The following DACH2 variants were observed in gnomAD, a reference collection of about 807,000 sequenced individuals.
DACH2 encodes the protein dachshund homolog 2.
In DACH2, 17 loss-of-function variants were observed where a neutral mutation model predicts 35.8. That is an observed-to-expected ratio of 0.48 (90% confidence interval 0.33 to 0.71). The LOEUF (loss-of-function observed/expected upper bound fraction) is 0.71. DACH2 is among the 30% of genes least tolerant of loss of function. The probability of loss-of-function intolerance (pLI) is 0.02; values close to 1 mark genes in which losing one functional copy is unlikely to be tolerated. For missense variants in DACH2, 469 were observed against 472.7 expected (o/e 0.99, Z 0.07); for synonymous variants, 195 against 177.3 (o/e 1.10, Z -0.79).
chrX:86,603,560 C>T (rs2039818910), intron 3 of DACH2, among the ~76,000 whole-genome samples: 1 of 111,204 alleles, frequency 9.0e-6, no homozygotes, highest in African/African-American at 3.3e-5. Flanking sequence ...GGCAAAATTC[C>T]CATCTAGCTA....
At chrX:86,506,886 T>C (rs1476964754) in intron 2 of DACH2, among the ~76,000 whole-genome samples, 1 of 112,065 alleles carries the variant, frequency 8.9e-6, no homozygotes, top group Non-Finnish European at 1.9e-5. Flanking sequence ...GCTGGAAATC[T>C]TGTCATGGAG....
chrX:86,420,814 G>T (rs1200449179), intron 2 of DACH2, among the ~76,000 whole-genome samples: 1 of 111,340 alleles, frequency 9.0e-6, no homozygotes, highest in Non-Finnish European at 1.9e-5. Context: ...TTGAGCCTAT[G>T]AATTTTGTCT....
At chrX:86,402,322 A>T (rs1469134529) in intron 2 of DACH2, among the ~76,000 whole-genome samples, 1 of 112,037 alleles carries the variant, frequency 8.9e-6, no homozygotes, top group Non-Finnish European at 1.9e-5. Flanking sequence ...GAACTGATAA[A>T]CAACTTAAGT....
At chrX:86,556,789 TATATATAG>T (rs1479363383) in intron 3 of DACH2, among the ~76,000 whole-genome samples, 104 of 37,151 alleles carry the variant, frequency 2.8e-3, no homozygotes, top group African/African-American at 3.4e-3. Flanking sequence ...TATATATATA[TATATATAG>T]AGAGAGAGAG....
At chrX:86,784,170 T>A (rs2042115489) in intron 7 of DACH2, among the ~76,000 whole-genome samples, 1 of 108,374 alleles carries the variant, frequency 9.2e-6, no homozygotes. Flanking sequence ...AAGGAAACAA[T>A]CTACAAAGTA....
intron 2 of DACH2, among the ~76,000 whole-genome samples, chrX:86,435,900 T>G (rs1003099164): frequency 9.8e-5 from 11 of 111,710 alleles, no homozygotes; most frequent in African/African-American, 3.6e-4. Flanking sequence ...AACAAGGGAT[T>G]AGTGATCCAA....
chrX:86,183,721 T>A (rs979990570), intron 1 of DACH2, among the ~76,000 whole-genome samples: 1 of 111,939 alleles, frequency 8.9e-6, no homozygotes, highest in Non-Finnish European at 1.9e-5. Flanking sequence ...CCTCTTTTTC[T>A]ATTGTTTGGA....
intron 7 of DACH2, among the ~76,000 whole-genome samples, chrX:86,759,647 T>C (rs912089385): frequency 4.5e-5 from 5 of 110,774 alleles, no homozygotes; most frequent in Admixed American, 1.9e-4. Flanking sequence ...TTATTATTGA[T>C]GTGTGAAGGC....
At chrX:86,431,119 G>A (rs1056498148) in intron 2 of DACH2, among the ~76,000 whole-genome samples, 11 of 111,645 alleles carry the variant, frequency 9.9e-5, no homozygotes, top group African/African-American at 3.6e-4. Context: ...ATCATGTGTA[G>A]TGATTTTTTT....
chrX:86,437,538 AT>A (rs1190660227), intron 2 of DACH2, among the ~76,000 whole-genome samples: 2 of 111,351 alleles, frequency 1.8e-5, no homozygotes, highest in South Asian at 3.7e-4. Context: ...AAAATATGAG[AT>A]TTTTTTGTGT....
intron 5 of DACH2, among the ~76,000 whole-genome samples, chrX:86,704,083 C>G (rs2041179101): frequency 9.0e-6 from 1 of 111,669 alleles, no homozygotes. Context: ...TAACCAAAAC[C>G]AAAACAGCAT....
At chrX:86,295,637 A>G (rs918421160) in intron 1 of DACH2, among the ~76,000 whole-genome samples, 2 of 110,852 alleles carry the variant, frequency 1.8e-5, no homozygotes, top group African/African-American at 6.6e-5. Flanking sequence ...GCTGGTTTAA[A>G]TGCTCTCTCC....
chrX:86,418,036 T>C (rs1395288115), intron 2 of DACH2, among the ~76,000 whole-genome samples: 2 of 111,437 alleles, frequency 1.8e-5, no homozygotes, highest in Non-Finnish European at 3.8e-5. Flanking sequence ...GGCAGTCAAA[T>C]CTTAAAACTC....
intron 5 of DACH2, among the ~76,000 whole-genome samples, chrX:86,698,010 A>G (rs1168391847): frequency 1.8e-5 from 2 of 111,777 alleles, no homozygotes; most frequent in Non-Finnish European, 3.8e-5. Flanking sequence ...ACCAAAATCT[A>G]CAAATACCCA....
intron 2 of DACH2, among the ~76,000 whole-genome samples, chrX:86,430,120 G>A (rs1207204210): frequency 9.0e-6 from 1 of 111,731 alleles, no homozygotes; most frequent in Non-Finnish European, 1.9e-5. Context: ...AACTTATCTG[G>A]CATTCTTAAA....
At chrX:86,253,543 A>G (rs1416621034) in intron 1 of DACH2, among the ~76,000 whole-genome samples, 1 of 112,279 alleles carries the variant, frequency 8.9e-6, no homozygotes, top group African/African-American at 3.2e-5. Flanking sequence ...CAGATTTGCC[A>G]TCTAAATAGC....
chrX:86,601,015 G>C (rs1381768172), intron 3 of DACH2, among the ~76,000 whole-genome samples: 1 of 111,436 alleles, frequency 9.0e-6, no homozygotes, highest in Non-Finnish European at 1.9e-5. Flanking sequence ...ATGGAATCTA[G>C]GACATAGGCA....
intron 1 of DACH2, among the ~76,000 whole-genome samples, chrX:86,280,960 A>G (rs1264137255): frequency 9.0e-6 from 1 of 111,716 alleles, no homozygotes; most frequent in African/African-American, 3.3e-5. Context: ...GCAAGTTCTT[A>G]GAGACCTAAA....
At chrX:86,442,881 C>T (rs1240516432) in intron 2 of DACH2, among the ~76,000 whole-genome samples, 1 of 111,627 alleles carries the variant, frequency 9.0e-6, no homozygotes, top group East Asian at 2.8e-4. Flanking sequence ...GGATTTATGT[C>T]TGGGCATGCA....
Sources: gnomAD v4.1 joint callset for allele counts (sites outside exome capture counted in the v4.1 genomes callset) on GRCh38, gnomAD v4.1.1 for gene constraint, MANE v1.5 for transcripts, NCBI Gene and HGNC (gene_info 2026-07-23, HGNC 2026-07-21) for gene names.